LRRC4C: variants seen among roughly 807,000 people sequenced by gnomAD.
LRRC4C encodes leucine rich repeat containing 4C.
LRRC4C carries 5 observed loss-of-function variants against 33.6 expected under a neutral mutation model. The ratio of observed to expected loss-of-function variants is 0.15; its 90% CI spans 0.08 to 0.31. The LOEUF (loss-of-function observed/expected upper bound fraction) is 0.31, where lower values mean the gene tolerates loss of function less well. LRRC4C is among the 10% of genes least tolerant of loss of function. LRRC4C has a pLI of 1.00. For synonymous variants in LRRC4C, 329 were observed against 302.0 expected, an observed-to-expected ratio of 1.09 and a Z score of -0.93; for missense variants, 560 against 796.7, an observed-to-expected ratio of 0.70 and a Z score of 3.58.
chr11:40,550,831 A>T (rs1957102504), intron 3 of LRRC4C, among the ~76,000 whole-genome samples: 2 of 152,056 alleles, frequency 1.3e-5, no homozygotes, highest in Admixed American at 1.3e-4. Context: ...ACCTAAGAGA[A>T]GCCTAACCTG....
chr11:40,124,662 C>T (rs1856074078), intron 6 of LRRC4C, among the ~76,000 whole-genome samples: 1 of 151,990 alleles, frequency 6.6e-6, no homozygotes, highest in South Asian at 2.1e-4. Flanking sequence ...GACTGGGAAG[C>T]ATAGTTGGAT....
chr11:41,099,375 A>G (rs184724398), intron 1 of LRRC4C, among the ~76,000 whole-genome samples: 1 of 150,984 alleles, frequency 6.6e-6, no homozygotes, highest in Admixed American at 6.6e-5. Context: ...CCTGGCAGAG[A>G]CATAAAAAAA....
At chr11:41,109,854 G>A (rs1035068903) in intron 1 of LRRC4C, among the ~76,000 whole-genome samples, 2 of 151,940 alleles carry the variant, frequency 1.3e-5, no homozygotes, top group Non-Finnish European at 2.9e-5. Flanking sequence ...AGGGAAGGAA[G>A]GGAATACTTT....
intron 3 of LRRC4C, among the ~76,000 whole-genome samples, chr11:40,339,785 C>A (rs1946786720): frequency 6.6e-6 from 1 of 152,146 alleles, no homozygotes; most frequent in Non-Finnish European, 1.5e-5. Flanking sequence ...AAGACCTTAT[C>A]AATTGTAATA....
chr11:40,958,750 A>G (rs975066236), intron 1 of LRRC4C, among the ~76,000 whole-genome samples: 3 of 151,792 alleles, frequency 2.0e-5, no homozygotes, highest in South Asian at 2.1e-4. Flanking sequence ...TGAAATCTCA[A>G]ATCTTGAATT....
chr11:41,416,497 T>C (rs1313868884), intron 1 of LRRC4C, among the ~76,000 whole-genome samples: 1 of 152,068 alleles, frequency 6.6e-6, no homozygotes, highest in African/African-American at 2.4e-5. Flanking sequence ...CGCTTCTGTA[T>C]TGATGTAGCA....
chr11:41,338,501 C>A (rs2137441437), intron 1 of LRRC4C, among the ~76,000 whole-genome samples: 1 of 152,118 alleles, frequency 6.6e-6, no homozygotes, highest in African/African-American at 2.4e-5. Context: ...AGTGAGAACA[C>A]ATGGACACAG....
chr11:40,818,214 A>T (rs1951783649), intron 2 of LRRC4C, among the ~76,000 whole-genome samples: 1 of 152,086 alleles, frequency 6.6e-6, no homozygotes, highest in African/African-American at 2.4e-5. Context: ...GCTTCTCCTC[A>T]GGTTACATCC....
intron 1 of LRRC4C, among the ~76,000 whole-genome samples, chr11:41,114,447 G>A (rs768428668): frequency 2.6e-5 from 4 of 151,976 alleles, no homozygotes; most frequent in Non-Finnish European, 4.4e-5. Context: ...TTCAAAGGAT[G>A]TCCTGAAGAC....
chr11:40,624,638 C>T (rs972418051), intron 3 of LRRC4C, among the ~76,000 whole-genome samples: 1 of 152,070 alleles, frequency 6.6e-6, no homozygotes, highest in African/African-American at 2.4e-5. Flanking sequence ...TTTGTCAGCC[C>T]GAAAGATCCA....
At chr11:41,072,278 A>ATAT (rs1565356804) in intron 1 of LRRC4C, among the ~76,000 whole-genome samples, 4 of 1,950 alleles carry the variant, frequency 2.1e-3, no homozygotes. Context: ...AATGTGGCAA[A>ATAT]CATTGAAGAC....
intron 3 of LRRC4C, among the ~76,000 whole-genome samples, chr11:40,386,420 G>T (rs979270236): frequency 2.6e-5 from 4 of 152,096 alleles, no homozygotes; most frequent in African/African-American, 9.7e-5. Context: ...CCCTGAATCT[G>T]CTCTTTTTCT....
rs567395796 is a variant in LRRC4C, at chr11:40,806,227, G to A, written c.-407+127408C>T. Among the ~76,000 whole-genome samples the A allele has an allele frequency of 3.3e-4, 51 of 152,298 alleles. 1 individual carries two copies. The East Asian group carries it at 8.9e-3, about 26-fold the overall frequency. On this transcript the variant is annotated intron_variant, in intron 2 of 6. Transcript: ENST00000528697. ...ATTAGAATTATCTGAAGGATTATTT[G>A]CTCATATGTCTGGAGCTTGGGATGA...
intron 1 of LRRC4C, among the ~76,000 whole-genome samples, chr11:41,028,825 GA>G: frequency 6.6e-6 from 1 of 151,134 alleles, no homozygotes; most frequent in South Asian, 2.1e-4. Flanking sequence ...CTTTTCTACT[GA>G]AACAAGATAT....
intron 1 of LRRC4C, among the ~76,000 whole-genome samples, chr11:41,097,281 GA>G (rs1169698179): frequency 6.6e-6 from 1 of 152,170 alleles, no homozygotes; most frequent in African/African-American, 2.4e-5. Flanking sequence ...ACTAGAAGGA[GA>G]ATTTGGTTAG....
chr11:41,390,979 T>C (rs574103493), intron 1 of LRRC4C, among the ~76,000 whole-genome samples: 8 of 136,570 alleles, frequency 5.9e-5, no homozygotes, highest in Non-Finnish European at 1.1e-4. Context: ...AGGTTTGCTT[T>C]AATTAAAAAA....
intron 1 of LRRC4C, among the ~76,000 whole-genome samples, chr11:41,187,832 G>A (rs1394447068): frequency 6.6e-6 from 1 of 152,182 alleles, no homozygotes; most frequent in African/African-American, 2.4e-5. Flanking sequence ...TCCCGCTAGA[G>A]GTTTGAGCAG....
chr11:40,990,501 G>T (rs902533473), intron 1 of LRRC4C, among the ~76,000 whole-genome samples: 3 of 151,928 alleles, frequency 2.0e-5, no homozygotes, highest in Admixed American at 1.3e-4. Flanking sequence ...TCCAGACTCT[G>T]TGCATTAATC....
At chr11:40,822,731 CA>C (rs1002588260) in intron 2 of LRRC4C, among the ~76,000 whole-genome samples, 2 of 151,486 alleles carry the variant, frequency 1.3e-5, no homozygotes, top group African/African-American at 4.8e-5. Context: ...GGTCTTACCC[CA>C]AAAAAATTTG....
Sources: gnomAD v4.1 joint callset for allele counts (sites outside exome capture counted in the v4.1 genomes callset) on GRCh38, gnomAD v4.1.1 for gene constraint, MANE v1.5 for transcripts, NCBI Gene and HGNC (gene_info 2026-07-23, HGNC 2026-07-21) for gene names.